TPCN2: variants seen among roughly 807,000 people sequenced by gnomAD.
TPCN2 encodes the protein two pore channel protein 2.
A neutral mutation model predicts 111.4 loss-of-function variants in TPCN2; 92 were observed. The observed-to-expected ratio is 0.83, with a 90% confidence interval of 0.70 to 0.98. The LOEUF is 0.98. TPCN2 is among the 50% of genes least tolerant of loss of function. The probability of loss-of-function intolerance (pLI) is 0.00; values close to 1 mark genes in which losing one functional copy is unlikely to be tolerated. For synonymous variants in TPCN2, 405 were observed against 414.5 expected, an observed-to-expected ratio of 0.98 and a Z score of 0.28; for missense variants, 995 against 980.1, an observed-to-expected ratio of 1.02 and a Z score of -0.20.
rs1855470582 is a variant in TPCN2, at chr11:69,070,414, T to C, written c.830-16T>C. 6.2e-7 allele frequency: 1 copy of C among 1,605,402 alleles called. No individual in the cohort carries two copies. The highest frequency in any genetic ancestry group is 8.5e-7 in the Non-Finnish European group (1 of 1,175,472). ...TACTGAGGTTGTCAGTTTCTGTTAT[T>C]TCTTTTTTCTTTTAGTGATGATTCC... is the stretch of plus-strand genomic sequence containing the variant. On this transcript the variant is annotated splice_polypyrimidine_tract_variant and intron_variant, in intron 8 of 24. Coordinates refer to ENST00000294309, the MANE Select transcript of TPCN2 (RefSeq NM_139075.4).
At chr11:69,071,684 G>A (rs1224445636) in intron 10 of TPCN2, among the ~76,000 whole-genome samples, 1 of 152,116 alleles carries the variant, frequency 6.6e-6, no homozygotes, top group South Asian at 2.1e-4. Context: ...GAGGAGAAAC[G>A]CGGCCCAGCA....
intron 13 of TPCN2, among the ~76,000 whole-genome samples, chr11:69,076,962 AC>A (rs1565091468): frequency 2.6e-4 from 12 of 46,436 alleles, no homozygotes; most frequent in Non-Finnish European, 2.8e-4. Flanking sequence ...GTGTCCCTCC[AC>A]CTGCCCTCCT....
At chr11:69,058,312 C>T (rs1479128643) in intron 5 of TPCN2, among the ~76,000 whole-genome samples, 1 of 152,182 alleles carries the variant, frequency 6.6e-6, no homozygotes, top group East Asian at 1.9e-4. Flanking sequence ...GAGAAACCAA[C>T]AGTGAAAGGA....
Position 69,061,776 on chromosome 11 carries a change from A to T in TPCN2, c.547-1108A>T, listed in dbSNP as rs141064695. On this transcript the variant is annotated intron_variant, in intron 5 of 24. Transcript: ENST00000294309. The stretch of plus-strand genomic sequence containing the variant: ...GTGGCATGATGGAAGCTGTGAGAAC[A>T]CTGGTGTGTGATGGTTGGGGCAGAA... 2.3e-4 allele frequency among the ~76,000 whole-genome samples: 35 copies of T among 152,112 alleles called. 1 individual carries two copies. The highest frequency in any genetic ancestry group is 6.3e-4 in the African/African-American group (26 of 41,478).
intron 7 of TPCN2, among the ~76,000 whole-genome samples, chr11:69,064,981 A>ATGG (rs1855203439): frequency 6.8e-6 from 1 of 146,778 alleles, no homozygotes; most frequent in Non-Finnish European, 1.5e-5. Context: ...TGGTGTCTGT[A>ATGG]TGTCTGTGTG....
At chr11:69,087,040 A>T in intron 23 of TPCN2, 72 bp from the exon 24 acceptor site, 1 of 1,364,706 alleles carries the variant, frequency 7.3e-7, no homozygotes. Context: ...CTGACCCTGG[A>T]GGGGCCGGGG....
chr11:69,078,522 G>T lies in TPCN2; in HGVS notation c.1271G>T (p.Ser424Ile), dbSNP rs371462327. 1.2e-6 allele frequency: 2 copies of T among 1,614,032 alleles called. No homozygotes were observed. Among genetic ancestry groups the T allele is most frequent in the African/African-American group, 2.7e-5 (2 of 74,936 alleles). ...GAGTACCAGTCTCCGTTTCTGCAGAGCGCCCAGTTCCTCTTCGGCCACTAC... is the reference window on the plus strand; with the variant it reads ...GAGTACCAGTCTCCGTTTCTGCAGATCGCCCAGTTCCTCTTCGGCCACTAC... Reference protein sequence around the residue: ...RPEYQSPFLQSAQFLFGHYYF... With the variant: ...RPEYQSPFLQIAQFLFGHYYF... Residue 424 changes from serine to isoleucine, a missense_variant, in exon 14 of 25, where the codon AGC (serine) becomes ATC (isoleucine). Ser to Ile is a moderately radical substitution (Grantham distance 142). Transcript: ENST00000294309.
chr11:69,054,116 C>T lies in TPCN2; in HGVS notation c.174+19C>T. 1 of 1,610,346 alleles carries T rather than the reference C, an allele frequency of 6.2e-7. No individual in the cohort carries two copies. Among genetic ancestry groups the T allele is most frequent in the East Asian group, 2.2e-5 (1 of 44,848 alleles). On this transcript the variant is annotated intron_variant, in intron 2 of 24. Coordinates refer to ENST00000294309, the MANE Select transcript of TPCN2 (RefSeq NM_139075.4). ...TATTCAGGTCGGTGGCACCTGCTCCCTGTGGCCGGGCCTGGGGGGTGGCCG... is the reference window on the plus strand; with the variant it reads ...TATTCAGGTCGGTGGCACCTGCTCCTTGTGGCCGGGCCTGGGGGGTGGCCG...
rs1218684578 is a variant in TPCN2, at chr11:69,058,556, T to C, written c.546+862T>C. Among the ~76,000 whole-genome samples the C allele has an allele frequency of 2.0e-5, 3 of 152,114 alleles. No homozygotes were observed. The East Asian group carries it at 5.8e-4, about 29-fold the overall frequency. On this transcript the variant is annotated intron_variant, in intron 5 of 24. Coordinates refer to ENST00000294309, the MANE Select transcript of TPCN2 (RefSeq NM_139075.4). ...GGCTGGAAGCTCCAGGTGCAGCTGA[T>C]AGGAACAGCCTAGTGAGTGCATCTC...
intron 7 of TPCN2, among the ~76,000 whole-genome samples, chr11:69,066,781 C>A (rs1279812793): frequency 6.6e-6 from 1 of 152,230 alleles, no homozygotes; most frequent in East Asian, 1.9e-4. Flanking sequence ...CGGGAACCAC[C>A]CATCTTCCAG....
intron 1 of TPCN2, among the ~76,000 whole-genome samples, chr11:69,052,196 G>A (rs1861255250): frequency 6.6e-6 from 1 of 152,100 alleles, no homozygotes; most frequent in African/African-American, 2.4e-5. Flanking sequence ...AGTGAGGCCC[G>A]GAACTCGGCC....
At chr11:69,084,572 A>C in intron 19 of TPCN2, 1 of 985,006 alleles carries the variant, frequency 1.0e-6, no homozygotes, top group Non-Finnish European at 1.2e-6. Flanking sequence ...GCCTGTGACC[A>C]GGCAGGCCCC....
At chr11:69,071,204 G>A (rs532347545) in intron 9 of TPCN2, 152 bp from the exon 10 acceptor site, 66 of 659,830 alleles carry the variant, frequency 1.0e-4, no homozygotes, top group Non-Finnish European at 1.7e-4. Flanking sequence ...CATTGACCTC[G>A]TCATCCTCCC....
chr11:69,055,067 C>T lies in TPCN2; in HGVS notation c.252-108C>T, dbSNP rs1415841044. 5.7e-6 allele frequency: 7 copies of T among 1,237,624 alleles called. No homozygotes were observed. In the East Asian group the frequency reaches 1.6e-4, roughly 29 times the overall value. The allele number at this position is 1,237,624 out of a possible 1,614,324, so 76.7% of individuals were successfully genotyped here. On this transcript the variant is annotated intron_variant, in intron 3 of 24. Transcript: ENST00000294309. ...ATCTCCCCAGTCACGAGTGTCCACGCTCAGGCAGCGCCAACTCCCGTGCTT... is the reference window on the plus strand; with the variant it reads ...ATCTCCCCAGTCACGAGTGTCCACGTTCAGGCAGCGCCAACTCCCGTGCTT...
Position 69,088,483 on chromosome 11 carries a change from T to A in TPCN2, c.*530T>A, listed in dbSNP as rs1052941441. On this transcript the variant is annotated 3_prime_UTR_variant, in exon 25 of 25. Coordinates refer to ENST00000294309, the MANE Select transcript of TPCN2 (RefSeq NM_139075.4). ...GGGTTCTGATTGCCAGTTATTTTCA[T>A]CAATAAGTCTTGCAAAGAATGGGAT... 2 of 156,594 alleles carry A rather than the reference T, an allele frequency of 1.3e-5. No homozygotes were observed. Among genetic ancestry groups the A allele is most frequent in the African/African-American group, 4.8e-5 (2 of 41,486 alleles). 9.7% of individuals were successfully genotyped at this position (156,594 alleles called of 1,614,324 possible).
Position 69,087,975 on chromosome 11 carries a change from A to T in TPCN2, c.*22A>T. On this transcript the variant is annotated 3_prime_UTR_variant, in exon 25 of 25. Coordinates refer to ENST00000294309, the MANE Select transcript of TPCN2 (RefSeq NM_139075.4). ...GTGACGTCCGGGCTGCCGTCCCAGC[A>T]GGGGCGGCAGGAGAGAGAGGCTGGC... 1.3e-6 allele frequency: 2 copies of T among 1,592,590 alleles called. No individual in the cohort carries two copies. The highest frequency in any genetic ancestry group is 8.5e-7 in the Non-Finnish European group (1 of 1,170,738).
At chr11:69,084,972 A>G in intron 19 of TPCN2, 1 of 322,606 alleles carries the variant, frequency 3.1e-6, no homozygotes, top group Non-Finnish European at 4.5e-6. Flanking sequence ...CAGGGCCCTA[A>G]TTCCCTTAGG....
At chr11:69,051,450 C>T (rs1191754605) in intron 1 of TPCN2, among the ~76,000 whole-genome samples, 1 of 152,198 alleles carries the variant, frequency 6.6e-6, no homozygotes, top group Non-Finnish European at 1.5e-5. Context: ...CCATGAGGAC[C>T]TGGAGCACCT....
At position 69,078,977 on chromosome 11, in the gene TPCN2, A is replaced by G. The variant is rs1294850660; in HGVS notation, c.1496A>G (p.Tyr499Cys). 2 of 1,613,520 alleles carry G rather than the reference A, an allele frequency of 1.2e-6. No homozygotes were observed. Among genetic ancestry groups the G allele is most frequent in the Non-Finnish European group, 1.7e-6 (2 of 1,179,846 alleles). The change falls in exon 16 of 25, where the codon TAC (tyrosine) becomes TGC (cysteine). Residue 499 changes from tyrosine (Y) to cysteine (C), a missense_variant. By Grantham distance (194) the Tyr-to-Cys change is radical (BLOSUM62 -2). Coordinates refer to ENST00000294309, the MANE Select transcript of TPCN2 (RefSeq NM_139075.4). ...CTGGGCCTGCGAGGGTACCTGTCCT[A>G]CCCCAGCAACGTGTTTGACGGGCTC... ...FALGLRGYLS[Y>C]PSNVFDGLLT...
Sources: allele counts gnomAD v4.1 joint callset (sites outside exome capture counted in the v4.1 genomes callset), GRCh38; gene constraint gnomAD v4.1.1; transcripts MANE v1.5; gene names NCBI Gene and HGNC (gene_info 2026-07-23, HGNC 2026-07-21).